DCDC1: variants seen among roughly 807,000 people sequenced by gnomAD.
DCDC1 encodes doublecortin domain-containing protein 1.
Under a neutral mutation model 178.3 loss-of-function variants are expected in DCDC1, and 200 were observed. That is an observed-to-expected ratio of 1.12 (90% confidence interval 1.00 to 1.26). DCDC1 has a LOEUF of 1.26. Among genes scored for constraint, DCDC1 ranks in the 50% most tolerant of loss-of-function variants. The probability of loss-of-function intolerance (pLI) is 0.00; values close to 1 mark genes in which losing one functional copy is unlikely to be tolerated. For synonymous variants in DCDC1, 690 were observed against 604.8 expected (o/e 1.14, Z -2.07); for missense variants, 1,983 against 1,749.2 (o/e 1.13, Z -2.38).
chr11:31,015,457 T>C (rs1213899883), intron 20 of DCDC1, among the ~76,000 whole-genome samples: 1 of 152,340 alleles, frequency 6.6e-6, no homozygotes, highest in East Asian at 1.9e-4. Context: ...CTGCTTATGT[T>C]ATTACTTGCT....
chr11:30,899,058 T>G (rs1356758820), intron 34 of DCDC1, among the ~76,000 whole-genome samples: 1 of 152,056 alleles, frequency 6.6e-6, no homozygotes, highest in Non-Finnish European at 1.5e-5. Flanking sequence ...AAGGAGTCAT[T>G]TTAAGTTACT....
intron 11 of DCDC1, among the ~76,000 whole-genome samples, chr11:31,121,346 G>T (rs1256052349): frequency 1.3e-5 from 2 of 150,100 alleles, no homozygotes; most frequent in African/African-American, 4.9e-5. Context: ...ATGGTGTTAT[G>T]TTTCCATTTT....
intron 4 of DCDC1, 154 bp downstream of exon 4, chr11:31,307,485 G>T: frequency 1.1e-6 from 1 of 910,106 alleles, no homozygotes. Context: ...ATTCTACTCT[G>T]GTGCTTTCAA....
At chr11:31,246,664 C>T (rs1224392341) in intron 8 of DCDC1, among the ~76,000 whole-genome samples, 2 of 151,948 alleles carry the variant, frequency 1.3e-5, no homozygotes, top group Non-Finnish European at 2.9e-5. Flanking sequence ...CTCCTGGTCC[C>T]ACAGCAACCA....
intron 17 of DCDC1, among the ~76,000 whole-genome samples, chr11:31,087,934 G>A (rs1425787585): frequency 6.6e-6 from 1 of 151,972 alleles, no homozygotes; most frequent in Non-Finnish European, 1.5e-5. Context: ...GCTCACTAGA[G>A]TTTTAGATGT....
intron 17 of DCDC1, among the ~76,000 whole-genome samples, chr11:31,088,792 C>T (rs1465993540): frequency 1.3e-5 from 2 of 152,100 alleles, no homozygotes; most frequent in Non-Finnish European, 2.9e-5. Context: ...TCATGGCTCA[C>T]TATAGCCTCG....
intron 20 of DCDC1, among the ~76,000 whole-genome samples, chr11:31,031,922 G>A (rs1007553512): frequency 1.3e-5 from 2 of 151,960 alleles, no homozygotes; most frequent in African/African-American, 2.4e-5. Context: ...CAAATGTACC[G>A]AGACATTTTA....
At chr11:31,255,156 T>G (rs1389123767) in intron 8 of DCDC1, among the ~76,000 whole-genome samples, 2 of 152,238 alleles carry the variant, frequency 1.3e-5, no homozygotes, top group African/African-American at 2.4e-5. Context: ...TTCCATTGTA[T>G]GTATATACTA....
intron 20 of DCDC1, among the ~76,000 whole-genome samples, chr11:31,047,874 T>A (rs1158064318): frequency 2.6e-5 from 4 of 152,222 alleles, no homozygotes. Flanking sequence ...TCAGATTCTT[T>A]AAAGAGATTT....
chr11:30,890,764 C>A (rs1332442918), intron 36 of DCDC1, among the ~76,000 whole-genome samples: 2 of 152,216 alleles, frequency 1.3e-5, no homozygotes. Context: ...CTTAACTCCA[C>A]ATGCTTTACA....
chr11:30,937,786 C>T (rs1947367436), intron 21 of DCDC1, among the ~76,000 whole-genome samples: 2 of 152,134 alleles, frequency 1.3e-5, no homozygotes, highest in African/African-American at 2.4e-5. Flanking sequence ...TACAGCCTTA[C>T]TGACAGCTGC....
chr11:31,309,717 T>G (rs1397117642), intron 3 of DCDC1, among the ~76,000 whole-genome samples: 3 of 152,190 alleles, frequency 2.0e-5, no homozygotes, highest in Non-Finnish European at 4.4e-5. Flanking sequence ...TTATGAAATA[T>G]TCTTATAAAT....
chr11:31,150,273 G>T (rs7104231), intron 9 of DCDC1, among the ~76,000 whole-genome samples: 1 of 151,992 alleles, frequency 6.6e-6, no homozygotes, highest in African/African-American at 2.4e-5. Flanking sequence ...TAAAAGGATT[G>T]CATGCTATGT....
chr11:31,211,740 A>G (rs11031315), intron 9 of DCDC1, among the ~76,000 whole-genome samples: 11,558 of 152,098 alleles, frequency 0.076, 1,198 homozygotes, highest in African/African-American at 0.23. Flanking sequence ...GTTCCATATA[A>G]CGTGTCATAG....
intron 9 of DCDC1, among the ~76,000 whole-genome samples, chr11:31,147,324 T>C (rs1964555319): frequency 6.6e-6 from 1 of 152,306 alleles, no homozygotes. Flanking sequence ...ACTGTGTATA[T>C]GCTAATTGGG....
chr11:31,247,613 G>A (rs1340582627), intron 8 of DCDC1, among the ~76,000 whole-genome samples: 1 of 151,622 alleles, frequency 6.6e-6, no homozygotes. Flanking sequence ...TTCTGAATAG[G>A]GCCCATTTGC....
At chr11:31,111,599 T>C (rs1352940664) in intron 11 of DCDC1, among the ~76,000 whole-genome samples, 1 of 152,150 alleles carries the variant, frequency 6.6e-6, no homozygotes, top group Admixed American at 6.6e-5. Flanking sequence ...TCTCTCTACT[T>C]TTCCAAGGAA....
chr11:31,347,076 A>C (rs1381860266), intron 1 of DCDC1, among the ~76,000 whole-genome samples: 1 of 152,212 alleles, frequency 6.6e-6, no homozygotes, highest in African/African-American at 2.4e-5. Context: ...TAGAGAGTAC[A>C]TGAGCAAAAA....
chr11:31,117,876 G>A (rs2135860159), intron 11 of DCDC1, among the ~76,000 whole-genome samples: 1 of 152,164 alleles, frequency 6.6e-6, no homozygotes, highest in East Asian at 1.9e-4. Flanking sequence ...AAGAAGAATT[G>A]CAACAAGGAT....
Sources: gnomAD v4.1 joint callset for allele counts (sites outside exome capture counted in the v4.1 genomes callset) on GRCh38, gnomAD v4.1.1 for gene constraint, MANE v1.5 for transcripts, NCBI Gene and HGNC (gene_info 2026-07-23, HGNC 2026-07-21) for gene names.